Variants in WFDC10B observed in about 807,000 individuals in gnomAD.
WFDC10B encodes the protein protein WFDC10B.
WFDC10B carries 1 observed loss-of-function variant against 2.7 expected under a neutral mutation model. The ratio of observed to expected loss-of-function variants is 0.38; its 90% CI spans 0.13 to 1.79. The LOEUF is 1.79. WFDC10B is among the 40% of genes most tolerant of loss of function. The pLI is 0.33. For missense variants in WFDC10B, 71 were observed against 87.8 expected, an observed-to-expected ratio of 0.81 and a Z score of 0.76; for synonymous variants, 26 against 32.2, an observed-to-expected ratio of 0.81 and a Z score of 0.65.
intron 2 of WFDC10B, among the ~76,000 whole-genome samples, chr20:45,698,821 G>T (rs1487277257): frequency 1.3e-5 from 2 of 151,852 alleles, no homozygotes; most frequent in Non-Finnish European, 2.9e-5. Context: ...ACAAAAATTT[G>T]TCAGGTGTGG....
At chr20:45,697,379 ATTTTT>A (rs869059383) in intron 2 of WFDC10B, among the ~76,000 whole-genome samples, 98 of 114,010 alleles carry the variant, frequency 8.6e-4, no homozygotes, top group Middle Eastern at 0.011. Flanking sequence ...ACATCCCATC[ATTTTT>A]TTTTTTTTTT....
intron 1 of WFDC10B, 140 bp downstream of exon 1, chr20:45,704,778 C>T: frequency 1.6e-6 from 2 of 1,262,198 alleles, no homozygotes; most frequent in Non-Finnish European, 2.2e-6. Context: ...TTAGAAAAGC[C>T]CTCCTCCCCT....
chr20:45,693,549 A>AGCCTTGCTGCC (rs1355510457), intron 2 of WFDC10B, among the ~76,000 whole-genome samples: 6 of 151,736 alleles, frequency 4.0e-5, no homozygotes, highest in African/African-American at 1.5e-4. Context: ...CCCCTCCCCC[A>AGCCTTGCTGCC]GCCTTGCTGC....
At chr20:45,703,485 A>C (rs1984256455) in intron 2 of WFDC10B, among the ~76,000 whole-genome samples, 1 of 152,168 alleles carries the variant, frequency 6.6e-6, no homozygotes, top group South Asian at 2.1e-4. Flanking sequence ...TTTGCAGAGG[A>C]ATAGACCCAC....
At chr20:45,694,385 T>A (rs1002442391) in intron 2 of WFDC10B, among the ~76,000 whole-genome samples, 2 of 152,162 alleles carry the variant, frequency 1.3e-5, no homozygotes, top group Non-Finnish European at 2.9e-5. Flanking sequence ...GATTATTATA[T>A]TAAAGTCAAA....
At chr20:45,685,295 G>A (rs1052761831) in intron 3 of WFDC10B, among the ~76,000 whole-genome samples, 1 of 152,072 alleles carries the variant, frequency 6.6e-6, no homozygotes, top group Admixed American at 6.6e-5. Flanking sequence ...GCTCAAAGAA[G>A]CCTGAGACAT....
intron 2 of WFDC10B, among the ~76,000 whole-genome samples, chr20:45,696,918 C>T (rs1217377514): frequency 6.6e-6 from 1 of 151,984 alleles, no homozygotes; most frequent in Admixed American, 6.6e-5. Flanking sequence ...AAATTCACCA[C>T]CCTTCTATAA....
At chr20:45,692,221 G>A (rs902558077) in intron 2 of WFDC10B, among the ~76,000 whole-genome samples, 1 of 152,182 alleles carries the variant, frequency 6.6e-6, no homozygotes, top group Non-Finnish European at 1.5e-5. Flanking sequence ...AGTCTGATGG[G>A]CTTCCCTTTG....
At chr20:45,690,686 A>AT (rs1322620647) in intron 2 of WFDC10B, among the ~76,000 whole-genome samples, 2 of 151,576 alleles carry the variant, frequency 1.3e-5, no homozygotes, top group African/African-American at 4.8e-5. Flanking sequence ...CGGTGGTGAT[A>AT]CCCCTTTATC....
chr20:45,697,885 C>G (rs2145640784), intron 2 of WFDC10B, among the ~76,000 whole-genome samples: 1 of 151,612 alleles, frequency 6.6e-6, no homozygotes, highest in South Asian at 2.1e-4. Flanking sequence ...CTGGGACTAC[C>G]AGAGTGTGCC....
chr20:45,692,312 T>C (rs1391128393), intron 2 of WFDC10B, among the ~76,000 whole-genome samples: 1 of 152,052 alleles, frequency 6.6e-6, no homozygotes, highest in Non-Finnish European at 1.5e-5. Context: ...CAATTATGTG[T>C]CTTGGAGTTG....
intron 2 of WFDC10B, among the ~76,000 whole-genome samples, chr20:45,695,561 A>G (rs1983951188): frequency 6.6e-6 from 1 of 152,250 alleles, no homozygotes; most frequent in Admixed American, 6.5e-5. Context: ...TATACAAACT[A>G]TCTTCTCCAG....
At chr20:45,689,023 T>C (rs1835548708) in intron 2 of WFDC10B, among the ~76,000 whole-genome samples, 1 of 150,322 alleles carries the variant, frequency 6.7e-6, no homozygotes, top group African/African-American at 2.5e-5. Context: ...TTGTATAAGG[T>C]GTAAGGAAGG....
intron 2 of WFDC10B, among the ~76,000 whole-genome samples, chr20:45,694,123 C>T (rs1013732680): frequency 6.6e-6 from 1 of 152,028 alleles, no homozygotes; most frequent in African/African-American, 2.4e-5. Flanking sequence ...TGTACAGAAG[C>T]TCTTTAGTTT....
chr20:45,701,900 T>C (rs1166167135), intron 2 of WFDC10B: 1 of 516,038 alleles, frequency 1.9e-6, no homozygotes, highest in African/African-American at 1.9e-5. Flanking sequence ...AAGGTCAAGA[T>C]TAGGGGAATA....
In WFDC10B at chr20:45,702,510, A is replaced by G. The variant is rs77467633; in HGVS notation, c.-65+1987T>C. 1.9e-3 allele frequency among the ~76,000 whole-genome samples: 293 copies of G among 152,326 alleles called. 7 individuals are homozygous for G. In the East Asian group the frequency reaches 0.052, roughly 27 times the overall value. ...AATGCTCAGTAATATTAAATGCTGT[A>G]AATGTGATCAGCCTCATCATCCAGC... On this transcript the variant is annotated intron_variant, in intron 2 of 3. Transcript: ENST00000330523.
chr20:45,688,894 T>C (rs1983716532), intron 2 of WFDC10B, among the ~76,000 whole-genome samples: 1 of 152,004 alleles, frequency 6.6e-6, no homozygotes, highest in South Asian at 2.1e-4. Context: ...CTTTTGGTGT[T>C]TTAGACATGA....
chr20:45,687,551 G>T (rs1217898706), intron 2 of WFDC10B, among the ~76,000 whole-genome samples: 1 of 152,068 alleles, frequency 6.6e-6, no homozygotes, highest in Non-Finnish European at 1.5e-5. Flanking sequence ...TGGGTCAAAT[G>T]GTATTTCTGG....
intron 2 of WFDC10B, among the ~76,000 whole-genome samples, chr20:45,699,426 T>C (rs536050582): frequency 1.3e-5 from 2 of 152,338 alleles, no homozygotes; most frequent in East Asian, 3.9e-4. Context: ...TATATATATA[T>C]ACAATGGAGT....
Sources: allele counts gnomAD v4.1 joint callset (sites outside exome capture counted in the v4.1 genomes callset), GRCh38; gene constraint gnomAD v4.1.1; transcripts MANE v1.5; gene names NCBI Gene and HGNC (gene_info 2026-07-23, HGNC 2026-07-21).